The following KIF13B variants were observed in gnomAD, a reference collection of about 807,000 sequenced individuals.
KIF13B encodes the protein kinesin-like protein KIF13B.
A neutral mutation model predicts 222.0 loss-of-function variants in KIF13B; 127 were observed. The observed-to-expected ratio is 0.57, with a 90% CI of 0.50 to 0.66. KIF13B has a LOEUF of 0.66. KIF13B is among the 30% of genes least tolerant of loss of function. KIF13B has a pLI of 0.00. For synonymous variants in KIF13B, 976 were observed against 919.0 expected, an observed-to-expected ratio of 1.06 and a Z score of -1.12; for missense variants, 2,173 against 2,379.0, an observed-to-expected ratio of 0.91 and a Z score of 1.80.
At chr8:29,247,812 T>G (rs1386346804) in intron 1 of KIF13B, among the ~76,000 whole-genome samples, 6 of 128,718 alleles carry the variant, frequency 4.7e-5, no homozygotes, top group African/African-American at 1.9e-4. Context: ...CCAGCCTAGG[T>G]GTGAGAGTAA....
At chr8:29,134,282 G>T in intron 21 of KIF13B, 72 bp from the exon 22 acceptor site, 1 of 1,453,926 alleles carries the variant, frequency 6.9e-7, no homozygotes, top group Non-Finnish European at 9.5e-7. Context: ...GCAGGTTCCA[G>T]CCCCGGCTCT....
chr8:29,151,878 G>A (rs1811314222), intron 14 of KIF13B, among the ~76,000 whole-genome samples: 2 of 152,158 alleles, frequency 1.3e-5, no homozygotes, highest in African/African-American at 2.4e-5. Flanking sequence ...ATTTCATAAG[G>A]CTATAGCTGC....
At chr8:29,146,635 G>C in intron 17 of KIF13B, 95 bp from the exon 18 acceptor site, 1 of 1,143,286 alleles carries the variant, frequency 8.7e-7, no homozygotes, top group South Asian at 1.4e-5. Flanking sequence ...CATTGCCAAA[G>C]TGTGAATTGA....
rs933560659 is a variant in KIF13B, at chr8:29,148,758, C to T, written c.1632G>A (p.Leu544=). ...WGNNHFFRLN[L]PKKKKKAERE... The stretch of plus-strand genomic sequence containing the variant: ...GTTCTGCTTTCTTTTTCTTTTTAGG[C>T]AAATTGAGTCTTGGTGGGAAAAAGA... Residue 544 remains leucine, a synonymous_variant, in exon 16 of 40, where the codon TTG becomes TTA. Coordinates refer to ENST00000524189, the MANE Select transcript of KIF13B (RefSeq NM_015254.4). 6.3e-7 allele frequency: 1 copy of T among 1,590,468 alleles called. No individual in the cohort carries two copies. Among genetic ancestry groups the T allele is most frequent in the Non-Finnish European group, 8.6e-7 (1 of 1,169,106 alleles).
At chr8:29,146,599 C>A in intron 17 of KIF13B, 59 bp from the exon 18 acceptor site, 2 of 1,482,470 alleles carry the variant, frequency 1.3e-6, no homozygotes, top group South Asian at 2.4e-5. Context: ...AGCAGCTAGT[C>A]AGAAAATCAT....
At chr8:29,246,820 T>C (rs1816047394) in intron 1 of KIF13B, among the ~76,000 whole-genome samples, 1 of 152,202 alleles carries the variant, frequency 6.6e-6, no homozygotes, top group Non-Finnish European at 1.5e-5. Context: ...TCCATTGATT[T>C]TGACAACGAT....
At chr8:29,099,409 T>C (rs1022797379) in intron 35 of KIF13B, among the ~76,000 whole-genome samples, 168 bp from the exon 36 acceptor site, 1 of 152,230 alleles carries the variant, frequency 6.6e-6, no homozygotes, top group African/African-American at 2.4e-5. Context: ...ACAGAGTTTC[T>C]GTCACCCAGG....
chr8:29,214,781 T>C (rs1275454811), intron 2 of KIF13B, among the ~76,000 whole-genome samples: 10 of 152,198 alleles, frequency 6.6e-5, no homozygotes, highest in Non-Finnish European at 1.5e-5. Context: ...AGCCTCACCA[T>C]AAATGCATCA....
chr8:29,223,285 C>T (rs1814847400), intron 2 of KIF13B, among the ~76,000 whole-genome samples: 1 of 147,154 alleles, frequency 6.8e-6, no homozygotes, highest in Non-Finnish European at 1.5e-5. Context: ...ACAGTGAGCC[C>T]CGATCACACC....
intron 2 of KIF13B, among the ~76,000 whole-genome samples, chr8:29,216,413 A>G (rs970914977): frequency 4.6e-5 from 7 of 152,260 alleles, no homozygotes; most frequent in African/African-American, 1.7e-4. Flanking sequence ...CCTGGCCAAC[A>G]TGGTGAAACC....
At chr8:29,138,975 T>C (rs1810686921) in intron 21 of KIF13B, among the ~76,000 whole-genome samples, 1 of 152,270 alleles carries the variant, frequency 6.6e-6, no homozygotes, top group Non-Finnish European at 1.5e-5. Flanking sequence ...GACTCATCTT[T>C]TGGAGACACA....
intron 21 of KIF13B, among the ~76,000 whole-genome samples, chr8:29,137,612 T>C (rs772999688): frequency 2.6e-5 from 4 of 152,256 alleles, no homozygotes; most frequent in Non-Finnish European, 4.4e-5. Flanking sequence ...GTCTCCAGGC[T>C]GGTTTCTTTT....
At chr8:29,199,349 T>C (rs902331542) in intron 2 of KIF13B, among the ~76,000 whole-genome samples, 1 of 151,918 alleles carries the variant, frequency 6.6e-6, no homozygotes, top group African/African-American at 2.4e-5. Context: ...GGATTCCAGT[T>C]TTACAGATGC....
Position 29,206,132 on chromosome 8 carries a change from A to G in KIF13B, c.150-9933T>C, listed in dbSNP as rs560306917. On this transcript the variant is annotated intron_variant, in intron 2 of 39. Coordinates refer to ENST00000524189, the MANE Select transcript of KIF13B (RefSeq NM_015254.4). ...ATTAACTAATTCCCCCCACAAAAAA[A>G]GAGGCTGGGGATAGGGGCATGGTGG... is the stretch of plus-strand genomic sequence containing the variant. Among the ~76,000 whole-genome samples, 61 of 152,006 alleles carry G rather than the reference A, an allele frequency of 4.0e-4. 1 individual carries two copies. Among genetic ancestry groups the G allele is most frequent in the Non-Finnish European group, 8.1e-4 (55 of 67,964 alleles).
chr8:29,110,313 T>C (rs1162681292), intron 32 of KIF13B, among the ~76,000 whole-genome samples: 1 of 152,222 alleles, frequency 6.6e-6, no homozygotes, highest in African/African-American at 2.4e-5. Context: ...AAAACTGTTC[T>C]CTACTACATT....
chr8:29,208,514 A>G (rs1056362492), intron 2 of KIF13B, among the ~76,000 whole-genome samples: 1 of 152,186 alleles, frequency 6.6e-6, no homozygotes, highest in African/African-American at 2.4e-5. Context: ...TAGCTTTCAG[A>G]TTCTTAAAAT....
Position 29,155,879 on chromosome 8 carries a change from G to T in KIF13B, c.1405-23C>A, listed in dbSNP as rs1035140915. 2.0e-6 allele frequency: 3 copies of T among 1,511,380 alleles called. No homozygotes were observed. The African/African-American group carries it at 4.1e-5, about 21-fold the overall frequency. The allele number at this position is 1,511,380 out of a possible 1,614,324, so 93.6% of individuals were successfully genotyped here. A position where few individuals can be genotyped will look rare whatever the true frequency, so the allele number is the denominator to read the frequency against. On this transcript the variant is annotated intron_variant, in intron 13 of 39. Coordinates refer to ENST00000524189, the MANE Select transcript of KIF13B (RefSeq NM_015254.4). The stretch of plus-strand genomic sequence containing the variant: ...TTCCTAAGAAAAAACCAAATTCACT[G>T]ATTAATACTGTATTCTTACATATAC...
chr8:29,114,363 T>A (rs1039439677), intron 31 of KIF13B, among the ~76,000 whole-genome samples: 1 of 152,202 alleles, frequency 6.6e-6, no homozygotes, highest in Non-Finnish European at 1.5e-5. Context: ...TATTCAATGA[T>A]CTTTACATTT....
chr8:29,255,706 C>A (rs1218677868), intron 1 of KIF13B, among the ~76,000 whole-genome samples: 1 of 152,142 alleles, frequency 6.6e-6, no homozygotes, highest in Non-Finnish European at 1.5e-5. Context: ...AGCCCACTGC[C>A]AATGCCCAAT....
Sources: gnomAD v4.1 joint callset for allele counts (sites outside exome capture counted in the v4.1 genomes callset) on GRCh38, gnomAD v4.1.1 for gene constraint, MANE v1.5 for transcripts, NCBI Gene and HGNC (gene_info 2026-07-23, HGNC 2026-07-21) for gene names.